NRG4: variants seen among roughly 807,000 people sequenced by gnomAD.
The protein encoded by NRG4 is pro-neuregulin-4, membrane-bound isoform.
Under a neutral mutation model 15.0 loss-of-function variants are expected in NRG4, and 10 were observed. The observed-to-expected ratio is 0.67, with a 90% CI of 0.41 to 1.13. The LOEUF is 1.13. NRG4 is among the 50% of genes most tolerant of loss of function. The pLI is 0.00. For missense variants in NRG4, 139 were observed against 140.2 expected (o/e 0.99, Z 0.04); for synonymous variants, 41 against 50.1 (o/e 0.82, Z 0.77).
chr15:75,939,130 T>A (rs1295475165), downstream of NRG4: 4 of 151,828 alleles, frequency 2.6e-5, no homozygotes, highest in East Asian at 3.8e-4. Flanking sequence ...GAATAAAGAT[T>A]AGAAACACTA....
At position 76,055,330 on chromosome 15, in the gene NRG4, C is replaced by A. The variant is rs145398033; in HGVS notation, c.-262+1624G>T. On this transcript the variant is annotated intron_variant, in intron 2 of 8. Coordinates refer to the NRG4 transcript ENST00000563910. ...AATTCCATGAAACAAAAATATTATA[C>A]CTTAAAATTTACACTATGTTTCACT... Among the ~76,000 whole-genome samples the A allele has an allele frequency of 6.4e-3, 975 of 152,194 alleles. 11 individuals are homozygous for A. The highest frequency in any genetic ancestry group is 0.021 in the African/African-American group (881 of 41,552).
intron 5 of NRG4, among the ~76,000 whole-genome samples, chr15:76,021,919 T>C (rs62027611): frequency 0.23 from 35,029 of 152,102 alleles, 4,866 homozygotes; most frequent in Non-Finnish European, 0.31. Context: ...GGGTGGCGGA[T>C]GGTTTCAGGT....
chr15:75,990,687 T>G (rs1253230958), intron 3 of NRG4, among the ~76,000 whole-genome samples: 14 of 136,688 alleles, frequency 1.0e-4, no homozygotes, highest in South Asian at 4.3e-4. Flanking sequence ...TTTTTTTGTT[T>G]TTTTTTTTTT....
intron 3 of NRG4, among the ~76,000 whole-genome samples, chr15:75,972,982 A>G (rs2033179034): frequency 6.6e-6 from 1 of 152,158 alleles, no homozygotes; most frequent in African/African-American, 2.4e-5. Flanking sequence ...TTTTCAAGAT[A>G]TTGATTCTTC....
intron 5 of NRG4, among the ~76,000 whole-genome samples, chr15:76,024,806 A>T (rs1026760161): frequency 1.3e-5 from 2 of 152,222 alleles, no homozygotes; most frequent in Non-Finnish European, 2.9e-5. Flanking sequence ...CATGGAGACT[A>T]TACTACATGA....
At chr15:76,046,753 G>A (rs1384069611) in intron 4 of NRG4, among the ~76,000 whole-genome samples, 1 of 150,980 alleles carries the variant, frequency 6.6e-6, no homozygotes, top group East Asian at 1.9e-4. Flanking sequence ...CATTGGTCTG[G>A]GTAAAGATTT....
chr15:76,056,311 G>T (rs2036149456), intron 2 of NRG4, among the ~76,000 whole-genome samples: 1 of 151,890 alleles, frequency 6.6e-6, no homozygotes, highest in South Asian at 2.1e-4. Context: ...TACAAAATTA[G>T]CTGGGTGTGC....
intron 3 of NRG4, among the ~76,000 whole-genome samples, chr15:75,983,746 AAAC>A (rs2033690938): frequency 1.3e-5 from 2 of 152,162 alleles, no homozygotes. Context: ...GTCACAATAC[AAAC>A]AAAATGATGA....
intron 5 of NRG4, among the ~76,000 whole-genome samples, chr15:75,949,047 CCT>C (rs1270640568): frequency 3.3e-5 from 5 of 152,068 alleles, no homozygotes; most frequent in Non-Finnish European, 5.9e-5. Context: ...AGAGCGAGAC[CCT>C]GTCTCAAACA....
chr15:76,017,834 G>A (rs1344277136), intron 5 of NRG4, among the ~76,000 whole-genome samples: 1 of 152,096 alleles, frequency 6.6e-6, no homozygotes, highest in Non-Finnish European at 1.5e-5. Context: ...TAGTATCTTT[G>A]TGGTGTTCTC....
At position 75,942,780 on chromosome 15, in the gene NRG4, A is replaced by G. The variant is rs2031133276; in HGVS notation, c.*858T>C. ...CCCCAGACCTTTCCACTGCTCCAAG[A>G]CTTTATTTTCATACTTCCTTAAAGT... On this transcript the variant is annotated 3_prime_UTR_variant, in exon 6 of 6. Coordinates refer to ENST00000394907, the MANE Select transcript of NRG4 (RefSeq NM_138573.4). 6.6e-6 allele frequency: 1 copy of G among 151,626 alleles called. No individual in the cohort carries two copies. Among genetic ancestry groups the G allele is most frequent in the South Asian group, 2.1e-4 (1 of 4,818 alleles). 9.4% of individuals were successfully genotyped at this position (151,626 alleles called of 1,614,324 possible). A position where few individuals can be genotyped will look rare whatever the true frequency, so the allele number is the denominator to read the frequency against.
chr15:75,993,135 A>G (rs2034082416), intron 3 of NRG4, among the ~76,000 whole-genome samples: 1 of 151,964 alleles, frequency 6.6e-6, no homozygotes, highest in African/African-American at 2.4e-5. Flanking sequence ...GTGTCACTTT[A>G]TCTGACTGCT....
chr15:75,993,594 G>A (rs1367182031), intron 3 of NRG4, among the ~76,000 whole-genome samples: 4 of 151,680 alleles, frequency 2.6e-5, no homozygotes, highest in Admixed American at 2.6e-4. Context: ...AGCTACTCAG[G>A]AAGCTGAGGC....
downstream of NRG4, chr15:75,937,455 G>A (rs890994010): frequency 7.9e-5 from 11 of 139,988 alleles, no homozygotes; most frequent in African/African-American, 2.9e-4. Flanking sequence ...CTTGCAGTGA[G>A]CCGAGATCGT....
chr15:75,959,281 CTATGGATTTAA>C (rs1461465786), intron 4 of NRG4: 1 of 192,374 alleles, frequency 5.2e-6, no homozygotes, highest in African/African-American at 2.4e-5. Context: ...GGCCCAAGTT[CTATGGATTTAA>C]TATCACACAA....
At position 76,032,588 on chromosome 15, in the gene NRG4, T is replaced by C. The variant is rs538580056; in HGVS notation, c.-57+3356A>G. On this transcript the variant is annotated intron_variant, in intron 5 of 8. Transcript: ENST00000563910. ...AAAAACTTTCTTTGAAGGCCAAATA[T>C]AATTTTTCTATAAACTACATCCACA... Among the ~76,000 whole-genome samples, 5 of 152,320 alleles carry C rather than the reference T, an allele frequency of 3.3e-5. No homozygotes were observed. The South Asian group carries it at 1.0e-3, about 32-fold the overall frequency.
intron 5 of NRG4, among the ~76,000 whole-genome samples, chr15:75,945,351 A>G (rs902708793): frequency 1.8e-4 from 27 of 151,668 alleles, no homozygotes; most frequent in Admixed American, 1.8e-3. Flanking sequence ...CTCGGGTTCA[A>G]GCTATTGTCC....
intron 5 of NRG4, among the ~76,000 whole-genome samples, chr15:75,948,360 C>T (rs887541879): frequency 3.3e-5 from 5 of 151,576 alleles, no homozygotes; most frequent in African/African-American, 9.7e-5. Flanking sequence ...GATGGAATCT[C>T]GTGATCTCGG....
At chr15:75,951,655 A>C (rs930373539) in intron 5 of NRG4, among the ~76,000 whole-genome samples, 5 of 152,154 alleles carry the variant, frequency 3.3e-5, no homozygotes, top group Non-Finnish European at 7.3e-5. Context: ...GACTTATTAC[A>C]GTTTCCCTTC....
Sources: gnomAD v4.1 joint callset for allele counts (sites outside exome capture counted in the v4.1 genomes callset) on GRCh38, gnomAD v4.1.1 for gene constraint, MANE v1.5 for transcripts, NCBI Gene and HGNC (gene_info 2026-07-23, HGNC 2026-07-21) for gene names.